NLGN1: variants seen among roughly 807,000 people sequenced by gnomAD.
The protein encoded by NLGN1 is neuroligin-1.
A neutral mutation model predicts 65.5 loss-of-function variants in NLGN1; 12 were observed. That is an observed-to-expected ratio of 0.18 (90% CI 0.12 to 0.30). NLGN1 has a LOEUF of 0.30. Ranked by LOEUF, NLGN1 falls within the 10% of genes least tolerant of loss-of-function variation. The probability of loss-of-function intolerance (pLI) is 1.00; values close to 1 mark genes in which losing one functional copy is unlikely to be tolerated. For missense variants in NLGN1, 750 were observed against 1,007.1 expected (o/e 0.74, Z 3.46); for synonymous variants, 350 against 359.5 (o/e 0.97, Z 0.30).
At chr3:173,907,983 G>T (rs1041297857) in intron 4 of NLGN1, among the ~76,000 whole-genome samples, 2 of 152,202 alleles carry the variant, frequency 1.3e-5, no homozygotes, top group Non-Finnish European at 2.9e-5. Context: ...GCCTCCCAAA[G>T]TGCTGGCATT....
chr3:174,238,112 TTC>T (rs2152826942), intron 4 of NLGN1, among the ~76,000 whole-genome samples: 1 of 152,226 alleles, frequency 6.6e-6, no homozygotes, highest in South Asian at 2.1e-4. Context: ...ATAAGGACAG[TTC>T]TTTTCACCTC....
intron 3 of NLGN1, among the ~76,000 whole-genome samples, chr3:173,693,599 A>C (rs1484318423): frequency 6.6e-6 from 1 of 152,068 alleles, no homozygotes; most frequent in African/African-American, 2.4e-5. Flanking sequence ...TTATATTGGC[A>C]TTCACTCTCC....
intron 2 of NLGN1, among the ~76,000 whole-genome samples, chr3:173,485,253 A>G (rs540150118): frequency 6.6e-6 from 1 of 152,194 alleles, no homozygotes; most frequent in African/African-American, 2.4e-5. Flanking sequence ...CTCCCACAAC[A>G]TGTGGGAATT....
chr3:173,937,145 A>T (rs1471484742), intron 4 of NLGN1, among the ~76,000 whole-genome samples: 1 of 152,080 alleles, frequency 6.6e-6, no homozygotes, highest in Non-Finnish European at 1.5e-5. Flanking sequence ...CAGACCAAAA[A>T]GATGTTTAGA....
chr3:173,768,088 A>G (rs2150246062), intron 3 of NLGN1, among the ~76,000 whole-genome samples: 1 of 152,196 alleles, frequency 6.6e-6, no homozygotes, highest in East Asian at 1.9e-4. Flanking sequence ...TCAAATATGT[A>G]TGTGTTCATG....
chr3:173,424,061 A>T (rs1469988303), intron 1 of NLGN1, among the ~76,000 whole-genome samples: 1 of 152,184 alleles, frequency 6.6e-6, no homozygotes, highest in African/African-American at 2.4e-5. Context: ...GCTGAACACC[A>T]TGTGGAAGCC....
chr3:174,093,079 C>T (rs1744837805), intron 4 of NLGN1, among the ~76,000 whole-genome samples: 1 of 152,152 alleles, frequency 6.6e-6, no homozygotes, highest in Non-Finnish European at 1.5e-5. Flanking sequence ...CTTTAAAAAG[C>T]TTAGTTTTCT....
rs191457643 is a variant in NLGN1, at chr3:174,044,681, C to G, written c.647-230634C>G. Among the ~76,000 whole-genome samples, 737 of 152,212 alleles carry G rather than the reference C, an allele frequency of 4.8e-3. 6 individuals carry two copies. Among genetic ancestry groups the G allele is most frequent in the Middle Eastern group, 0.048 (14 of 294 alleles). On this transcript the variant is annotated intron_variant, in intron 4 of 6. Transcript: ENST00000457714. ...AGTCTCTAGGAAGTTCCAAACTTTC[C>G]CATATCATCCTGTCTTCTTCTGAGG...
chr3:173,434,147 TTA>T (rs1560245674), intron 1 of NLGN1, among the ~76,000 whole-genome samples: 1 of 152,132 alleles, frequency 6.6e-6, no homozygotes, highest in Admixed American at 6.5e-5. Context: ...AATTAGAAAA[TTA>T]CAACTATGTG....
intron 4 of NLGN1, among the ~76,000 whole-genome samples, chr3:174,275,027 T>G (rs1750271845): frequency 6.6e-6 from 1 of 151,862 alleles, no homozygotes; most frequent in South Asian, 2.1e-4. Flanking sequence ...CCCTGGAATG[T>G]CTTCCCTGAG....
At chr3:174,018,473 A>G (rs1727066971) in intron 4 of NLGN1, among the ~76,000 whole-genome samples, 1 of 152,172 alleles carries the variant, frequency 6.6e-6, no homozygotes, top group Admixed American at 6.6e-5. Flanking sequence ...AGAAATTATA[A>G]AAGTATTAAT....
intron 4 of NLGN1, among the ~76,000 whole-genome samples, chr3:174,069,029 T>G (rs1271326382): frequency 6.6e-6 from 1 of 152,092 alleles, no homozygotes; most frequent in Non-Finnish European, 1.5e-5. Context: ...ATCTGTGTGG[T>G]GGACTTAAGG....
chr3:174,017,352 A>G (rs1444985998), intron 4 of NLGN1, among the ~76,000 whole-genome samples: 1 of 152,166 alleles, frequency 6.6e-6, no homozygotes, highest in Non-Finnish European at 1.5e-5. Context: ...TGAAGCAGAC[A>G]TGTATACCTT....
chr3:174,091,548 A>G (rs1576824271), intron 4 of NLGN1, among the ~76,000 whole-genome samples: 1 of 152,244 alleles, frequency 6.6e-6, no homozygotes, highest in African/African-American at 2.4e-5. Flanking sequence ...TTCACAACAA[A>G]TTAACGAAGA....
At chr3:173,497,936 TTTG>T (rs1009588056) in intron 2 of NLGN1, among the ~76,000 whole-genome samples, 5 of 151,856 alleles carry the variant, frequency 3.3e-5, no homozygotes, top group South Asian at 2.1e-4. Context: ...TAAAAATTCC[TTTG>T]TTGTTCAGAA....
Position 174,036,730 on chromosome 3 carries a change from T to C in NLGN1, c.646+228898T>C, listed in dbSNP as rs538308482. 1.8e-4 allele frequency among the ~76,000 whole-genome samples: 28 copies of C among 152,090 alleles called. 1 individual carries two copies. Among genetic ancestry groups the C allele is most frequent in the African/African-American group, 5.3e-4 (22 of 41,502 alleles). ...ATTAAGCCTAGTCCCCATTAGTTAT[T>C]TTTTCAGATCCTCTCCCTCTGCCCA... is the stretch of plus-strand genomic sequence containing the variant. On this transcript the variant is annotated intron_variant, in intron 4 of 6. Coordinates refer to ENST00000457714, the Ensembl canonical transcript of NLGN1.
chr3:173,965,038 T>C (rs188113753), intron 4 of NLGN1, among the ~76,000 whole-genome samples: 2 of 152,308 alleles, frequency 1.3e-5, no homozygotes, highest in East Asian at 3.9e-4. Context: ...ATTTCAGTCA[T>C]TGTTTTCCAA....
chr3:173,899,055 T>A (rs1736854416), intron 4 of NLGN1, among the ~76,000 whole-genome samples: 1 of 152,080 alleles, frequency 6.6e-6, no homozygotes, highest in Non-Finnish European at 1.5e-5. Context: ...GACAAAATGA[T>A]AAACATGTAC....
intron 4 of NLGN1, among the ~76,000 whole-genome samples, chr3:174,054,558 G>C (rs1336014203): frequency 6.6e-6 from 1 of 151,880 alleles, no homozygotes; most frequent in Non-Finnish European, 1.5e-5. Flanking sequence ...GTTCTGAACT[G>C]GTGCTTTTCA....
Sources: allele counts gnomAD v4.1 joint callset (sites outside exome capture counted in the v4.1 genomes callset), GRCh38; gene constraint gnomAD v4.1.1; transcripts MANE v1.5; gene names NCBI Gene and HGNC (gene_info 2026-07-23, HGNC 2026-07-21).